The following HCN1 variants were observed in gnomAD, a reference collection of about 807,000 sequenced individuals.
HCN1 encodes potassium/sodium hyperpolarization-activated cyclic nucleotide-gated channel 1.
In HCN1, 13 loss-of-function variants were observed where a neutral mutation model predicts 78.9. That is an observed-to-expected ratio of 0.16 (90% CI 0.11 to 0.26). The LOEUF (loss-of-function observed/expected upper bound fraction) is 0.26, where lower values mean the gene tolerates loss of function less well. HCN1 is among the 10% of genes least tolerant of loss of function. The probability of loss-of-function intolerance (pLI) is 1.00; values close to 1 mark genes in which losing one functional copy is unlikely to be tolerated. For missense variants in HCN1, 810 were observed against 1,154.3 expected, an observed-to-expected ratio of 0.70 and a Z score of 4.32; for synonymous variants, 552 against 455.5, an observed-to-expected ratio of 1.21 and a Z score of -2.70.
chr5:45,495,601 C>G (rs1385611687), intron 2 of HCN1, among the ~76,000 whole-genome samples: 1 of 152,148 alleles, frequency 6.6e-6, no homozygotes, highest in Non-Finnish European at 1.5e-5. Flanking sequence ...TTTCCTTCTC[C>G]TAACTGATTG....
At chr5:45,619,478 A>G (rs1745017769) in intron 2 of HCN1, among the ~76,000 whole-genome samples, 2 of 152,172 alleles carry the variant, frequency 1.3e-5, no homozygotes, top group Admixed American at 1.3e-4. Flanking sequence ...TCAATTTGAG[A>G]AACAAAATAA....
At chr5:45,439,260 A>G (rs564091847) in intron 3 of HCN1, among the ~76,000 whole-genome samples, 10 of 152,248 alleles carry the variant, frequency 6.6e-5, no homozygotes, top group Non-Finnish European at 7.4e-5. Context: ...CAGAGAAGTG[A>G]TAAGTAAGCT....
At chr5:45,312,629 G>A (rs1041772317) in intron 5 of HCN1, among the ~76,000 whole-genome samples, 3 of 152,206 alleles carry the variant, frequency 2.0e-5, no homozygotes, top group Non-Finnish European at 4.4e-5. Flanking sequence ...AAGGGAAGCT[G>A]TGACAGACAG....
intron 3 of HCN1, among the ~76,000 whole-genome samples, chr5:45,435,270 T>C (rs1460136397): frequency 2.0e-5 from 3 of 152,110 alleles, no homozygotes; most frequent in Non-Finnish European, 4.4e-5. Context: ...AGCTTGCATG[T>C]TATCATGGTA....
intron 5 of HCN1, among the ~76,000 whole-genome samples, chr5:45,323,521 G>T (rs1170480363): frequency 1.3e-5 from 2 of 151,700 alleles, no homozygotes; most frequent in African/African-American, 2.4e-5. Context: ...AATTTAGAAA[G>T]AATTCAACAA....
intron 1 of HCN1, among the ~76,000 whole-genome samples, chr5:45,677,703 G>T (rs1739604864): frequency 6.6e-6 from 1 of 151,822 alleles, no homozygotes; most frequent in African/African-American, 2.4e-5. Flanking sequence ...GCAAGAGAGA[G>T]AAAGAGAGCG....
intron 6 of HCN1, among the ~76,000 whole-genome samples, chr5:45,281,819 C>G (rs1478492770): frequency 6.6e-6 from 1 of 151,706 alleles, no homozygotes; most frequent in Non-Finnish European, 1.5e-5. Context: ...GTCTTGATCT[C>G]CTGACCTCAT....
chr5:45,287,333 G>T (rs1280909991), intron 6 of HCN1, among the ~76,000 whole-genome samples: 1 of 151,890 alleles, frequency 6.6e-6, no homozygotes, highest in African/African-American at 2.4e-5. Flanking sequence ...TAATGAATAA[G>T]CTCCCTCTAA....
intron 2 of HCN1, among the ~76,000 whole-genome samples, chr5:45,560,820 A>G (rs370120855): frequency 6.6e-6 from 1 of 152,150 alleles, no homozygotes; most frequent in East Asian, 1.9e-4. Context: ...AGTATTTTTC[A>G]TATTTTCTTT....
rs116762451 is a variant in HCN1, at chr5:45,338,931, A to C, written c.1377+14169T>G. ...CTACTCATGCTTTTTCCCTTCAAAT[A>C]AACTGTTAACTTATGTATAGCATTA... On this transcript the variant is annotated intron_variant, in intron 5 of 7. Coordinates refer to ENST00000303230, the MANE Select transcript of HCN1 (RefSeq NM_021072.4). 6.9e-3 allele frequency among the ~76,000 whole-genome samples: 1,055 copies of C among 152,262 alleles called. 15 individuals carry two copies. Among genetic ancestry groups the C allele is most frequent in the African/African-American group, 0.024 (1,004 of 41,554 alleles).
chr5:45,583,846 T>C (rs1744140917), intron 2 of HCN1, among the ~76,000 whole-genome samples: 1 of 152,206 alleles, frequency 6.6e-6, no homozygotes, highest in South Asian at 2.1e-4. Flanking sequence ...TGAGTGAGTT[T>C]CTTAATCCTG....
intron 2 of HCN1, among the ~76,000 whole-genome samples, chr5:45,542,748 A>G (rs982571512): frequency 1.3e-5 from 2 of 152,312 alleles, no homozygotes; most frequent in South Asian, 4.1e-4. Flanking sequence ...TTGTGTTTCC[A>G]ACAGAGCTTA....
At chr5:45,550,879 T>C (rs1225694733) in intron 2 of HCN1, among the ~76,000 whole-genome samples, 1 of 152,002 alleles carries the variant, frequency 6.6e-6, no homozygotes, top group African/African-American at 2.4e-5. Context: ...ATTAAAGTTT[T>C]CTTTAATGTA....
intron 1 of HCN1, among the ~76,000 whole-genome samples, chr5:45,655,742 C>T (rs1013744972): frequency 2.0e-5 from 3 of 152,036 alleles, no homozygotes; most frequent in Non-Finnish European, 4.4e-5. Flanking sequence ...TGTCCTTATG[C>T]CCATATAGTA....
intron 2 of HCN1, among the ~76,000 whole-genome samples, chr5:45,493,040 G>T (rs1299392013): frequency 1.3e-5 from 2 of 151,970 alleles, no homozygotes; most frequent in African/African-American, 4.8e-5. Context: ...TTCTTATAAT[G>T]CAGTATATAT....
intron 1 of HCN1, among the ~76,000 whole-genome samples, chr5:45,692,157 G>T (rs1288492813): frequency 2.6e-5 from 4 of 152,076 alleles, no homozygotes; most frequent in Admixed American, 6.6e-5. Context: ...AAGATAAATT[G>T]CTTGCATAAT....
At chr5:45,683,992 A>T (rs1739755735) in intron 1 of HCN1, among the ~76,000 whole-genome samples, 1 of 152,028 alleles carries the variant, frequency 6.6e-6, no homozygotes, top group Non-Finnish European at 1.5e-5. Context: ...ATAATTCTTA[A>T]GTAGCTTGCC....
intron 2 of HCN1, among the ~76,000 whole-genome samples, chr5:45,482,177 G>A (rs1221818505): frequency 2.0e-5 from 3 of 152,194 alleles, no homozygotes; most frequent in Admixed American, 1.3e-4. Context: ...AAGGCTGGGT[G>A]TGAGTTTAAA....
chr5:45,461,141 G>A (rs916427805), intron 3 of HCN1, among the ~76,000 whole-genome samples: 1 of 151,678 alleles, frequency 6.6e-6, no homozygotes, highest in Admixed American at 6.6e-5. Flanking sequence ...TATATAGAGA[G>A]ATTTATAGAT....
Sources: gnomAD v4.1 joint callset for allele counts (sites outside exome capture counted in the v4.1 genomes callset) on GRCh38, gnomAD v4.1.1 for gene constraint, MANE v1.5 for transcripts, NCBI Gene and HGNC (gene_info 2026-07-23, HGNC 2026-07-21) for gene names.